NRXN3: variants seen among roughly 807,000 people sequenced by gnomAD.
NRXN3 encodes neurexin III.
NRXN3 carries 32 observed loss-of-function variants against 137.6 expected under a neutral mutation model. The observed-to-expected ratio is 0.23, with a 90% CI of 0.18 to 0.31. The LOEUF is 0.31. Ranked by LOEUF, NRXN3 falls within the 10% of genes least tolerant of loss-of-function variation. NRXN3 has a pLI of 1.00. For synonymous variants in NRXN3, 798 were observed against 784.5 expected, an observed-to-expected ratio of 1.02 and a Z score of -0.29; for missense variants, 1,574 against 2,062.5, an observed-to-expected ratio of 0.76 and a Z score of 4.59.
intron 6 of NRXN3, among the ~76,000 whole-genome samples, chr14:78,674,395 T>C (rs1215421953): frequency 2.6e-5 from 4 of 152,196 alleles, no homozygotes; most frequent in African/African-American, 7.2e-5. Flanking sequence ...TCCAAGCACA[T>C]TGAAATTTTT....
intron 15 of NRXN3, among the ~76,000 whole-genome samples, chr14:79,150,898 A>G (rs761946436): frequency 1.7e-4 from 26 of 152,064 alleles, no homozygotes; most frequent in Admixed American, 8.5e-4. Context: ...ATTCAGCAGA[A>G]GTCCAAAGGT....
At chr14:78,335,788 A>G (rs1239589599) in intron 4 of NRXN3, among the ~76,000 whole-genome samples, 3 of 152,098 alleles carry the variant, frequency 2.0e-5, no homozygotes, top group Admixed American at 6.5e-5. Context: ...CTCTGCATGA[A>G]AAGCCCTGTC....
At chr14:78,223,469 G>C (rs1226865200) in intron 1 of NRXN3, among the ~76,000 whole-genome samples, 1 of 152,166 alleles carries the variant, frequency 6.6e-6, no homozygotes, top group Non-Finnish European at 1.5e-5. Flanking sequence ...TCCTAGATGT[G>C]CTTATATCAA....
chr14:79,032,097 C>T (rs1362863645), intron 15 of NRXN3, among the ~76,000 whole-genome samples: 2 of 152,116 alleles, frequency 1.3e-5, no homozygotes, highest in Non-Finnish European at 2.9e-5. Flanking sequence ...TTCATCAGTT[C>T]CCTGTCTGAA....
At chr14:78,900,172 T>A (rs76377398) in intron 10 of NRXN3, among the ~76,000 whole-genome samples, 15,502 of 152,012 alleles carry the variant, frequency 0.1, 1,092 homozygotes, top group Non-Finnish European at 0.14. Context: ...CACCATTTTT[T>A]AAAAAATCAC....
intron 15 of NRXN3, among the ~76,000 whole-genome samples, chr14:79,350,872 G>C (rs1293876786): frequency 2.0e-5 from 3 of 152,130 alleles, no homozygotes; most frequent in African/African-American, 7.2e-5. Flanking sequence ...TTATGAGATT[G>C]AGTGTTAACT....
chr14:79,006,410 C>T (rs2099553032), intron 15 of NRXN3, among the ~76,000 whole-genome samples: 1 of 152,096 alleles, frequency 6.6e-6, no homozygotes, highest in Admixed American at 6.6e-5. Context: ...GGGTTAGCCT[C>T]AACTTTAAAA....
At chr14:79,859,625 T>C (rs972952851) in intron 20 of NRXN3, among the ~76,000 whole-genome samples, 9 of 152,168 alleles carry the variant, frequency 5.9e-5, no homozygotes, top group Non-Finnish European at 1.3e-4. Context: ...TCTGGCTTTG[T>C]TACTGATGAG....
intron 4 of NRXN3, among the ~76,000 whole-genome samples, chr14:78,458,634 G>A (rs1045282840): frequency 6.6e-6 from 1 of 152,136 alleles, no homozygotes; most frequent in Non-Finnish European, 1.5e-5. Flanking sequence ...CAATTTTGTG[G>A]TTTAAGATTT....
Position 79,861,365 on chromosome 14 carries a change from T to G in NRXN3, c.4117T>G (p.Phe1373Val). Residue 1373 changes from phenylalanine (F) to valine (V), a missense_variant, in exon 21 of 21, where the codon TTC becomes GTC. Transcript: ENST00000335750. This position sits in a 1 kb window ranked among gnomAD's most constrained non-coding sequence, Gnocchi z 5.4. Reference protein sequence around the residue: ...STDKSLSTSIFEGGYKAHAPK... With the variant: ...STDKSLSTSIVEGGYKAHAPK... ...AGATAAGAGTCTTTCCACTTCAATC[T>G]TCGAAGGTGGCTACAAAGCACATGC... 1 of 1,536,126 alleles carries G rather than the reference T, an allele frequency of 6.5e-7. No individual in the cohort carries two copies. Among genetic ancestry groups the G allele is most frequent in the Non-Finnish European group, 8.7e-7 (1 of 1,146,910 alleles).
chr14:78,230,028 T>C (rs1018159501), intron 1 of NRXN3, among the ~76,000 whole-genome samples: 2 of 152,096 alleles, frequency 1.3e-5, no homozygotes, highest in African/African-American at 4.8e-5. Flanking sequence ...TTTTTATTTA[T>C]TTTGTATTTT....
intron 4 of NRXN3, among the ~76,000 whole-genome samples, chr14:78,473,835 A>G (rs1054470728): frequency 6.6e-6 from 1 of 152,196 alleles, no homozygotes; most frequent in Non-Finnish European, 1.5e-5. Flanking sequence ...CTAATTCTGC[A>G]TGTGGACTTC....
At chr14:79,766,857 G>GA (rs2099057739) in intron 19 of NRXN3, among the ~76,000 whole-genome samples, 1 of 152,190 alleles carries the variant, frequency 6.6e-6, no homozygotes, top group Non-Finnish European at 1.5e-5. Context: ...ATATAGTGGT[G>GA]AACCTACATG....
intron 15 of NRXN3, among the ~76,000 whole-genome samples, chr14:79,315,589 A>G (rs1462635474): frequency 1.3e-5 from 2 of 152,210 alleles, no homozygotes; most frequent in African/African-American, 4.8e-5. Flanking sequence ...TCACCAGACA[A>G]AACAAGTACC....
At position 78,838,914 on chromosome 14, in the gene NRXN3, A is replaced by G. The variant is rs575972649; in HGVS notation, c.2275+28570A>G. Among the ~76,000 whole-genome samples, 5 of 152,268 alleles carry G rather than the reference A, an allele frequency of 3.3e-5. No individual in the cohort carries two copies. The East Asian group carries it at 7.7e-4, about 24-fold the overall frequency. ...GCTTTGTCCAAAAGAGATGAAGCTCATAGGCATGCTGTGCTTCATACCCTC... is the reference window on the plus strand; with the variant it reads ...GCTTTGTCCAAAAGAGATGAAGCTCGTAGGCATGCTGTGCTTCATACCCTC... On this transcript the variant is annotated intron_variant, in intron 10 of 20. Transcript: ENST00000335750.
intron 4 of NRXN3, among the ~76,000 whole-genome samples, chr14:78,421,704 A>C (rs1031862813): frequency 3.3e-5 from 5 of 152,094 alleles, no homozygotes; most frequent in African/African-American, 1.2e-4. Flanking sequence ...TTATTTTTTA[A>C]AAAAGAGATG....
chr14:78,828,900 G>A (rs764953584), intron 10 of NRXN3, among the ~76,000 whole-genome samples: 1 of 152,126 alleles, frequency 6.6e-6, no homozygotes, highest in Admixed American at 6.5e-5. Flanking sequence ...GTAAATGCCT[G>A]GATGTGGGAG....
chr14:78,913,246 T>TTTTC (rs1277509308), intron 10 of NRXN3, among the ~76,000 whole-genome samples: 1,703 of 112,892 alleles, frequency 0.015, 52 homozygotes, highest in East Asian at 0.066. Context: ...TTTTCCTTTC[T>TTTTC]TTTCTTTCTT....
Position 79,159,307 on chromosome 14 carries a change from A to G in NRXN3, c.3262+171166A>G, listed in dbSNP as rs565595220. On this transcript the variant is annotated intron_variant, in intron 15 of 20. Transcript: ENST00000335750. ...TCTCCTGTTACAATTTTTCAAAGAC[A>G]TGCTTCAGGATGTTGATCTCACTTG... is the stretch of plus-strand genomic sequence containing the variant. Among the ~76,000 whole-genome samples, 9 of 151,958 alleles carry G rather than the reference A, an allele frequency of 5.9e-5. No individual in the cohort carries two copies. The South Asian group carries it at 6.2e-4, about 11-fold the overall frequency.
Sources: allele counts gnomAD v4.1 joint callset (sites outside exome capture counted in the v4.1 genomes callset), GRCh38; gene constraint gnomAD v4.1.1; non-coding constraint Gnocchi (gnomAD v3.1); transcripts MANE v1.5; gene names NCBI Gene and HGNC (gene_info 2026-07-23, HGNC 2026-07-21).